ARHGAP5: variants seen among roughly 807,000 people sequenced by gnomAD.
The protein encoded by ARHGAP5 is Rho GTPase activating protein 5, also known as rho GTPase-activating protein 5.
In ARHGAP5, 23 loss-of-function variants were observed where a neutral mutation model predicts 116.6. That is an observed-to-expected ratio of 0.20 (90% CI 0.14 to 0.28). ARHGAP5 has a LOEUF of 0.28. Among genes scored for constraint, ARHGAP5 ranks in the 10% least tolerant of loss-of-function variants. The pLI is 1.00. For synonymous variants in ARHGAP5, 574 were observed against 602.0 expected (o/e 0.95, Z 0.68); for missense variants, 1,405 against 1,774.8 (o/e 0.79, Z 3.74).
At position 32,156,711 on chromosome 14, in the gene ARHGAP5, T is replaced by C. The variant is rs1170368743; in HGVS notation, c.*1763T>C. 1.3e-5 allele frequency: 2 copies of C among 152,386 alleles called. No homozygotes were observed. Among genetic ancestry groups the C allele is most frequent in the Non-Finnish European group, 2.9e-5 (2 of 67,800 alleles). 9.4% of individuals were successfully genotyped at this position (152,386 alleles called of 1,614,324 possible). On this transcript the variant is annotated 3_prime_UTR_variant, in exon 7 of 7. Coordinates refer to ENST00000345122, the MANE Select transcript of ARHGAP5 (RefSeq NM_001030055.2). Reference sequence around the variant, plus strand: ...CTATTGTCTATATAGCTTTAATTTATAGTTGTCAGTTTAACTATTGGCATG... The same window carrying C: ...CTATTGTCTATATAGCTTTAATTTACAGTTGTCAGTTTAACTATTGGCATG...
At chr14:32,077,961 C>T (rs1411590159) in intron 1 of ARHGAP5, among the ~76,000 whole-genome samples, 1 of 152,112 alleles carries the variant, frequency 6.6e-6, no homozygotes, top group East Asian at 1.9e-4. Flanking sequence ...CTCATCTCCT[C>T]GACTCCTCCC....
chr14:32,081,374 G>A (rs894078601), intron 1 of ARHGAP5, among the ~76,000 whole-genome samples: 1 of 152,016 alleles, frequency 6.6e-6, no homozygotes, highest in African/African-American at 2.4e-5. Flanking sequence ...TGGACTGAAA[G>A]CACAGGTAAG....
At chr14:32,120,692 TTTAA>T (rs896822060) in intron 3 of ARHGAP5, among the ~76,000 whole-genome samples, 30 of 151,878 alleles carry the variant, frequency 2.0e-4, no homozygotes, top group Non-Finnish European at 2.9e-4. Context: ...TCATTTCTAG[TTTAA>T]TTATTTTGCA....
intron 3 of ARHGAP5, among the ~76,000 whole-genome samples, chr14:32,143,282 G>A (rs542463032): frequency 1.3e-5 from 2 of 151,420 alleles, no homozygotes; most frequent in South Asian, 2.1e-4. Flanking sequence ...TTGCTCTTTC[G>A]CCCAGGCTGG....
At position 32,155,281 on chromosome 14, in the gene ARHGAP5, A is replaced by G. The variant is rs1881844184; in HGVS notation, c.*333A>G. The G allele has an allele frequency of 5.6e-6, 1 of 177,990 alleles. No homozygotes were observed. Among genetic ancestry groups the G allele is most frequent in the Non-Finnish European group, 1.2e-5 (1 of 83,762 alleles). The allele number at this position is 177,990 out of a possible 1,614,324, so 11.0% of individuals were successfully genotyped here. ...AATAAAATTTTTCTATAGAAATTAA[A>G]TGATTTAAAAACTCACCTATATGAA... is the stretch of plus-strand genomic sequence containing the variant. On this transcript the variant is annotated 3_prime_UTR_variant, in exon 7 of 7. Coordinates refer to ENST00000345122, the MANE Select transcript of ARHGAP5 (RefSeq NM_001030055.2).
At chr14:32,127,648 C>T (rs1278499436) in intron 3 of ARHGAP5, among the ~76,000 whole-genome samples, 12 of 152,346 alleles carry the variant, frequency 7.9e-5, no homozygotes, top group African/African-American at 1.4e-4. Context: ...TCGACAAAAC[C>T]GCCATCGTCA....
intron 1 of ARHGAP5, among the ~76,000 whole-genome samples, chr14:32,081,196 T>G (rs1174777092): frequency 6.6e-6 from 1 of 152,086 alleles, no homozygotes; most frequent in Non-Finnish European, 1.5e-5. Flanking sequence ...ACATACTGAT[T>G]TAAAAGTTAG....
intron 1 of ARHGAP5, among the ~76,000 whole-genome samples, chr14:32,089,786 A>G (rs920136610): frequency 2.6e-5 from 4 of 151,936 alleles, no homozygotes; most frequent in Non-Finnish European, 5.9e-5. Context: ...ATGTAAAAAT[A>G]AATTTCGTTA....
At chr14:32,107,674 G>C (rs1441176295) in intron 2 of ARHGAP5, among the ~76,000 whole-genome samples, 1 of 152,164 alleles carries the variant, frequency 6.6e-6, no homozygotes, top group East Asian at 1.9e-4. Flanking sequence ...TTGAGCAGTT[G>C]GGTAGATTTA....
intron 1 of ARHGAP5, among the ~76,000 whole-genome samples, chr14:32,078,835 G>A (rs2041742286): frequency 6.6e-6 from 1 of 152,150 alleles, no homozygotes. Flanking sequence ...ACCTTTTGCT[G>A]TCAATTCTAG....
At chr14:32,116,132 C>A (rs1447219088) in intron 2 of ARHGAP5, among the ~76,000 whole-genome samples, 2 of 137,784 alleles carry the variant, frequency 1.5e-5, no homozygotes, top group South Asian at 2.3e-4. Context: ...ACTAAAAATA[C>A]AAAAATTAGC....
chr14:32,113,162 A>T (rs1879393675), intron 2 of ARHGAP5, among the ~76,000 whole-genome samples: 1 of 152,206 alleles, frequency 6.6e-6, no homozygotes, highest in East Asian at 1.9e-4. Flanking sequence ...GCTTATCAGA[A>T]TTTTGTGGAG....
intron 4 of ARHGAP5, among the ~76,000 whole-genome samples, chr14:32,149,148 A>C (rs1881525391): frequency 4.7e-5 from 7 of 148,266 alleles, no homozygotes; most frequent in Admixed American, 4.7e-4. Context: ...ATGCATATTT[A>C]TTTTTTCTTT....
intron 2 of ARHGAP5, among the ~76,000 whole-genome samples, chr14:32,107,422 A>G (rs1297994480): frequency 6.6e-6 from 1 of 151,224 alleles, no homozygotes; most frequent in Non-Finnish European, 1.5e-5. Flanking sequence ...TACTTCGTAT[A>G]TTAACAGAAA....
chr14:32,140,087 G>GTGT (rs1881028591), intron 3 of ARHGAP5, among the ~76,000 whole-genome samples: 1 of 29,854 alleles, frequency 3.3e-5, no homozygotes, highest in African/African-American at 1.5e-4. Flanking sequence ...TTTTTTTTAG[G>GTGT]TTATTTGTTC....
At chr14:32,126,959 A>G (rs1880185793) in intron 3 of ARHGAP5, among the ~76,000 whole-genome samples, 1 of 147,664 alleles carries the variant, frequency 6.8e-6, no homozygotes, top group Non-Finnish European at 1.5e-5. Context: ...TGTCATGTGT[A>G]TTTTACCACA....
At chr14:32,082,970 G>C (rs1184315868) in intron 1 of ARHGAP5, among the ~76,000 whole-genome samples, 1 of 152,222 alleles carries the variant, frequency 6.6e-6, no homozygotes, top group Non-Finnish European at 1.5e-5. Flanking sequence ...TATTGCTTAT[G>C]ACAAAGTCTA....
In ARHGAP5 at chr14:32,092,729, A is replaced by G. The variant is rs767289867; in HGVS notation, c.2060A>G (p.Lys687Arg). 6.2e-7 allele frequency: 1 copy of G among 1,613,724 alleles called. No homozygotes were observed. Among genetic ancestry groups the G allele is most frequent in the Admixed American group, 1.7e-5 (1 of 59,946 alleles). ...KIRTEASQIR[K>R]DKYMANLPFT... ...AGAACTGAAGCTTCTCAGATCAGAA[A>G]AGATAAATACATGGCTAATCTTCCA... is the stretch of plus-strand genomic sequence containing the variant. Residue 687 changes from lysine (K) to arginine (R), a missense_variant, in exon 2 of 7, where the codon AAA (lysine) becomes AGA (arginine). Lys to Arg is a conservative substitution (Grantham distance 26). This residue lies in a region of ARHGAP5 where 944 missense variants were observed against 1,095.3 expected (regional missense o/e 0.86). Transcript: ENST00000345122. This position sits in a 1 kb window ranked among gnomAD's most constrained non-coding sequence, Gnocchi z 4.1.
At chr14:32,142,413 T>A (rs948368457) in intron 3 of ARHGAP5, among the ~76,000 whole-genome samples, 1 of 152,242 alleles carries the variant, frequency 6.6e-6, no homozygotes, top group African/African-American at 2.4e-5. Context: ...GTGTGTTGTT[T>A]ATGTTGTTTG....
Sources: allele counts gnomAD v4.1 joint callset (sites outside exome capture counted in the v4.1 genomes callset), GRCh38; gene constraint gnomAD v4.1.1; regional missense constraint gnomAD v4.1.1; non-coding constraint Gnocchi (gnomAD v3.1); transcripts MANE v1.5; gene names NCBI Gene and HGNC (gene_info 2026-07-23, HGNC 2026-07-21).